The following MAP3K13 variants were observed in gnomAD, a reference collection of about 807,000 sequenced individuals.
MAP3K13 encodes the protein leucine zipper-bearing kinase.
A neutral mutation model predicts 104.0 loss-of-function variants in MAP3K13; 52 were observed. The ratio of observed to expected loss-of-function variants is 0.50; its 90% CI spans 0.40 to 0.63. The LOEUF (loss-of-function observed/expected upper bound fraction) is 0.63, where lower values mean the gene tolerates loss of function less well. MAP3K13 is among the 20% of genes least tolerant of loss of function. The pLI is 0.00. For missense variants in MAP3K13, 914 were observed against 1,218.5 expected, an observed-to-expected ratio of 0.75 and a Z score of 3.72; for synonymous variants, 394 against 442.2, an observed-to-expected ratio of 0.89 and a Z score of 1.37.
At chr3:185,382,727 G>A (rs1421183418) in intron 1 of MAP3K13, among the ~76,000 whole-genome samples, 1 of 152,056 alleles carries the variant, frequency 6.6e-6, no homozygotes, top group African/African-American at 2.4e-5. Flanking sequence ...GGTACCGGCC[G>A]GGCGCGGTGG....
At chr3:185,481,042 G>T (rs1013755056) in intron 13 of MAP3K13, among the ~76,000 whole-genome samples, 1 of 152,058 alleles carries the variant, frequency 6.6e-6, no homozygotes. Flanking sequence ...GTAAGTAGAC[G>T]TACAGAGATC....
chr3:185,468,552 G>A (rs1434763447), intron 10 of MAP3K13, among the ~76,000 whole-genome samples: 1 of 152,186 alleles, frequency 6.6e-6, no homozygotes, highest in Non-Finnish European at 1.5e-5. Flanking sequence ...CCTAAACCTA[G>A]GGTATAGACC....
At chr3:185,374,649 G>A (rs1239018973) in intron 1 of MAP3K13, among the ~76,000 whole-genome samples, 2 of 152,132 alleles carry the variant, frequency 1.3e-5, no homozygotes, top group Non-Finnish European at 2.9e-5. Context: ...TACTTACTTG[G>A]TTGGCAAGCT....
At chr3:185,353,332 G>A (rs182145482) in intron 2 of MAP3K13, among the ~76,000 whole-genome samples, 9 of 152,308 alleles carry the variant, frequency 5.9e-5, no homozygotes, top group Admixed American at 5.2e-4. Context: ...AGGATTTATG[G>A]ACAGCAAAAG....
intron 2 of MAP3K13, among the ~76,000 whole-genome samples, chr3:185,433,550 T>G (rs994393575): frequency 6.6e-6 from 1 of 152,226 alleles, no homozygotes; most frequent in Admixed American, 6.5e-5. Context: ...ACTTTGAGAC[T>G]GGTCAAAGAG....
chr3:185,471,451 C>CTTTTTTTT (rs71164510), intron 10 of MAP3K13, among the ~76,000 whole-genome samples: 9 of 75,442 alleles, frequency 1.2e-4, no homozygotes, highest in Admixed American at 1.7e-4. Context: ...ACGACCTTTA[C>CTTTTTTTT]TTTTTTTTTT....
chr3:185,298,535 GT>G (rs1332656498), intron 2 of MAP3K13, among the ~76,000 whole-genome samples: 1 of 152,004 alleles, frequency 6.6e-6, no homozygotes, highest in African/African-American at 2.4e-5. Flanking sequence ...TTTAAAATAT[GT>G]TTATTGAATT....
At position 185,486,261 on chromosome 3, in the gene MAP3K13, G is replaced by T. The variant is rs1403856413; in HGVS notation, c.*3805G>T. ...CTATTGTCATCATACACCTTATGTG[G>T]ATTAACTGTTATGAGTATGTTAGGG... On this transcript the variant is annotated 3_prime_UTR_variant, in exon 14 of 14. Coordinates refer to ENST00000265026, the MANE Select transcript of MAP3K13 (RefSeq NM_004721.5). The T allele has an allele frequency of 6.6e-6, 1 of 152,160 alleles. No individual in the cohort carries two copies. The highest frequency in any genetic ancestry group is 1.5e-5 in the Non-Finnish European group (1 of 68,028). The allele number at this position is 152,160 out of a possible 1,614,324, so 9.4% of individuals were successfully genotyped here. A position where few individuals can be genotyped will look rare whatever the true frequency, so the allele number is the denominator to read the frequency against.
intron 2 of MAP3K13, among the ~76,000 whole-genome samples, chr3:185,303,135 T>A (rs561205257): frequency 2.6e-5 from 4 of 152,236 alleles, no homozygotes; most frequent in Non-Finnish European, 5.9e-5. Flanking sequence ...TATATTATAT[T>A]GATTGATTTC....
chr3:185,455,760 G>T (rs1490675576), intron 7 of MAP3K13, among the ~76,000 whole-genome samples: 1 of 61,974 alleles, frequency 1.6e-5, no homozygotes, highest in African/African-American at 6.4e-5. Context: ...ATATATATAT[G>T]AGATATATAT....
intron 1 of MAP3K13, among the ~76,000 whole-genome samples, chr3:185,398,065 T>C (rs1361035564): frequency 6.6e-6 from 1 of 152,094 alleles, no homozygotes; most frequent in Admixed American, 6.6e-5. Flanking sequence ...AGTACACTGA[T>C]GGGCTATGAT....
chr3:185,413,865 C>A (rs1366035567), intron 1 of MAP3K13, among the ~76,000 whole-genome samples: 1 of 152,058 alleles, frequency 6.6e-6, no homozygotes, highest in Non-Finnish European at 1.5e-5. Flanking sequence ...ATGGAGTAAA[C>A]CCTACAGAAA....
chr3:185,386,210 T>A (rs1351596872), intron 1 of MAP3K13, among the ~76,000 whole-genome samples: 4 of 151,594 alleles, frequency 2.6e-5, no homozygotes, highest in Non-Finnish European at 5.9e-5. Flanking sequence ...TTAAACAAAT[T>A]TACAAGAAAA....
chr3:185,472,054 T>A (rs1011082358), intron 10 of MAP3K13, among the ~76,000 whole-genome samples: 3 of 152,176 alleles, frequency 2.0e-5, no homozygotes, highest in African/African-American at 7.2e-5. Flanking sequence ...CTGAGCCAAA[T>A]GAGATGTCTA....
At chr3:185,330,028 C>T (rs1232989411) in intron 2 of MAP3K13, among the ~76,000 whole-genome samples, 6 of 145,392 alleles carry the variant, frequency 4.1e-5, no homozygotes, top group East Asian at 4.1e-4. Context: ...TATAGGCGCC[C>T]GCCACCATGC....
At chr3:185,368,394 C>A (rs1560068631) in intron 1 of MAP3K13, among the ~76,000 whole-genome samples, 1 of 152,044 alleles carries the variant, frequency 6.6e-6, no homozygotes, top group Non-Finnish European at 1.5e-5. Flanking sequence ...TCGGTCCAGT[C>A]CAGCATGAAT....
intron 2 of MAP3K13, among the ~76,000 whole-genome samples, chr3:185,434,210 T>C (rs1381417163): frequency 6.6e-6 from 1 of 152,258 alleles, no homozygotes; most frequent in South Asian, 2.1e-4. Flanking sequence ...CAAAGAAATA[T>C]AGAAGGAGTT....
intron 12 of MAP3K13, among the ~76,000 whole-genome samples, chr3:185,479,606 T>C (rs1302365847): frequency 1.3e-5 from 2 of 152,264 alleles, no homozygotes; most frequent in Admixed American, 6.5e-5. Context: ...CAGCTTGGAG[T>C]GTAGTGTTTA....
chr3:185,362,945 ACACACACACACG>A (rs879458615), upstream of MAP3K13: 1,515 of 129,296 alleles, frequency 0.012, 136 homozygotes, highest in Middle Eastern at 0.043. Context: ...ACACACACAC[ACACACACACACG>A]CACACACACA....
Sources: gnomAD v4.1 joint callset for allele counts (sites outside exome capture counted in the v4.1 genomes callset) on GRCh38, gnomAD v4.1.1 for gene constraint, MANE v1.5 for transcripts, NCBI Gene and HGNC (gene_info 2026-07-23, HGNC 2026-07-21) for gene names.